Variants in SORCS2 observed in about 807,000 individuals in gnomAD.
The protein encoded by SORCS2 is VPS10 domain-containing receptor SorCS2.
A neutral mutation model predicts 141.6 loss-of-function variants in SORCS2; 100 were observed. That is an observed-to-expected ratio of 0.71 (90% confidence interval 0.60 to 0.83). The LOEUF is 0.83. Among genes scored for constraint, SORCS2 ranks in the 40% least tolerant of loss-of-function variants. SORCS2 has a pLI of 0.00. For synonymous variants in SORCS2, 789 were observed against 676.9 expected (o/e 1.17, Z -2.57); for missense variants, 1,646 against 1,560.2 (o/e 1.05, Z -0.93).
intron 5 of SORCS2, among the ~76,000 whole-genome samples, chr4:7,656,405 G>T (rs920754479): frequency 3.3e-5 from 5 of 152,210 alleles, no homozygotes. Flanking sequence ...TGGGCAGCAC[G>T]TGGAGGCTCT....
At chr4:7,642,417 C>T (rs893645464) in intron 4 of SORCS2, among the ~76,000 whole-genome samples, 1 of 152,212 alleles carries the variant, frequency 6.6e-6, no homozygotes, top group African/African-American at 2.4e-5. Flanking sequence ...GAGCTGAAAT[C>T]TCAGTTATTT....
chr4:7,342,582 G>A (rs937806148), intron 1 of SORCS2, among the ~76,000 whole-genome samples: 18 of 152,118 alleles, frequency 1.2e-4, no homozygotes, highest in Non-Finnish European at 5.9e-5. Context: ...TGAAAGGGAG[G>A]TGGAGGCGAA....
intron 2 of SORCS2, among the ~76,000 whole-genome samples, chr4:7,516,502 G>A (rs149533544): frequency 6.6e-6 from 1 of 152,036 alleles, no homozygotes; most frequent in African/African-American, 2.4e-5. Context: ...AGAACGCCGG[G>A]TGTTTGGCTG....
chr4:7,437,068 A>T (rs758315597), intron 2 of SORCS2, among the ~76,000 whole-genome samples: 5 of 152,118 alleles, frequency 3.3e-5, no homozygotes, highest in African/African-American at 4.8e-5. Context: ...GCCAACTGGG[A>T]GCCCTGTAAT....
At chr4:7,235,090 G>C (rs1392131632) in intron 1 of SORCS2, among the ~76,000 whole-genome samples, 1 of 152,264 alleles carries the variant, frequency 6.6e-6, no homozygotes, top group Non-Finnish European at 1.5e-5. Flanking sequence ...TCTGAACTCT[G>C]TGTCTATCTG....
chr4:7,349,897 GT>G (rs1263897016), intron 1 of SORCS2, among the ~76,000 whole-genome samples: 2 of 152,186 alleles, frequency 1.3e-5, no homozygotes, highest in Admixed American at 1.3e-4. Context: ...TCTCCCAAGT[GT>G]TTGGTGTTCC....
At chr4:7,469,058 C>A (rs1729802316) in intron 2 of SORCS2, among the ~76,000 whole-genome samples, 1 of 151,986 alleles carries the variant, frequency 6.6e-6, no homozygotes, top group Admixed American at 6.5e-5. Context: ...CAGAGCCTGA[C>A]AAGGAGTTAA....
At chr4:7,413,645 C>T (rs1725475515) in intron 2 of SORCS2, among the ~76,000 whole-genome samples, 2 of 152,166 alleles carry the variant, frequency 1.3e-5, no homozygotes, top group African/African-American at 4.8e-5. Context: ...GCCTCGGCCT[C>T]CCAAAGTGCT....
intron 8 of SORCS2, among the ~76,000 whole-genome samples, chr4:7,671,433 G>C (rs1722792297): frequency 6.6e-6 from 1 of 151,944 alleles, no homozygotes; most frequent in Admixed American, 6.6e-5. Context: ...GTCTTACAGA[G>C]GCTCAAAGAA....
intron 1 of SORCS2, among the ~76,000 whole-genome samples, chr4:7,323,685 G>A (rs1719051090): frequency 6.6e-6 from 1 of 152,108 alleles, no homozygotes; most frequent in Non-Finnish European, 1.5e-5. Context: ...GGCGTTCAGA[G>A]TCAGCCCCAT....
intron 2 of SORCS2, among the ~76,000 whole-genome samples, chr4:7,507,585 CTCTAAA>C (rs2109450179): frequency 6.6e-6 from 1 of 152,274 alleles, no homozygotes; most frequent in Non-Finnish European, 1.5e-5. Context: ...ACTAAATATG[CTCTAAA>C]CCAAGTGGCA....
chr4:7,388,274 T>C (rs1007796347), intron 1 of SORCS2, among the ~76,000 whole-genome samples: 2 of 152,104 alleles, frequency 1.3e-5, no homozygotes, highest in African/African-American at 4.8e-5. Context: ...AAAACCCCAA[T>C]GACAGACTCA....
intron 3 of SORCS2, among the ~76,000 whole-genome samples, chr4:7,622,174 C>G (rs1265752705): frequency 6.6e-6 from 1 of 152,126 alleles, no homozygotes; most frequent in East Asian, 1.9e-4. Flanking sequence ...CACCCAGCCC[C>G]TACTCCAACC....
At chr4:7,690,709 C>T (rs931511883) in intron 11 of SORCS2, among the ~76,000 whole-genome samples, 2 of 151,954 alleles carry the variant, frequency 1.3e-5, no homozygotes, top group African/African-American at 4.8e-5. Flanking sequence ...GATAGAAAAA[C>T]TGATAGATGG....
At chr4:7,232,597 C>G (rs1206037454) in intron 1 of SORCS2, among the ~76,000 whole-genome samples, 4 of 152,236 alleles carry the variant, frequency 2.6e-5, no homozygotes, top group African/African-American at 9.6e-5. Flanking sequence ...CGCTCAGCTC[C>G]TACATTTCAA....
chr4:7,434,870 C>T, intron 2 of SORCS2: 1 of 1,569,496 alleles, frequency 6.4e-7, no homozygotes, highest in African/African-American at 1.4e-5. Context: ...AGGAGCAGGG[C>T]ACACAGCATG....
intron 3 of SORCS2, among the ~76,000 whole-genome samples, chr4:7,551,739 A>G (rs1014581881): frequency 6.6e-6 from 1 of 152,002 alleles, no homozygotes; most frequent in Non-Finnish European, 1.5e-5. Flanking sequence ...TCAGCATCGA[A>G]CTCCAGGCAG....
At chr4:7,326,081 T>G (rs889349854) in intron 1 of SORCS2, among the ~76,000 whole-genome samples, 4 of 151,908 alleles carry the variant, frequency 2.6e-5, no homozygotes, top group African/African-American at 9.7e-5. Context: ...GATGGAGAGA[T>G]CAGCATTTAC....
intron 26 of SORCS2, among the ~76,000 whole-genome samples, chr4:7,738,973 C>T (rs75597811): frequency 0.011 from 1,651 of 152,260 alleles, 14 homozygotes; most frequent in Non-Finnish European, 0.018. Flanking sequence ...TGGCGTGATG[C>T]GTCTGTAGAC....
Sources: allele counts gnomAD v4.1 joint callset (sites outside exome capture counted in the v4.1 genomes callset), GRCh38; gene constraint gnomAD v4.1.1; transcripts MANE v1.5; gene names NCBI Gene and HGNC (gene_info 2026-07-23, HGNC 2026-07-21).